Variants in GREM2 observed in about 807,000 individuals in gnomAD.
GREM2 encodes gremlin 2, DAN family BMP antagonist.
A neutral mutation model predicts 14.2 loss-of-function variants in GREM2; 11 were observed. The observed-to-expected ratio is 0.78, with a 90% confidence interval of 0.49 to 1.28. The LOEUF (loss-of-function observed/expected upper bound fraction) is 1.28. GREM2 is among the 50% of genes most tolerant of loss of function. The pLI, the probability that GREM2 is intolerant of heterozygous loss-of-function variation, is 0.00. For synonymous variants in GREM2, 98 were observed against 97.6 expected (o/e 1.00, Z -0.02); for missense variants, 210 against 218.5 (o/e 0.96, Z 0.24).
intron 1 of GREM2, chr1:240,530,444 A>G (rs1467358012): frequency 6.6e-6 from 1 of 152,336 alleles, no homozygotes; most frequent in South Asian, 2.1e-4. Context: ...GCTATTCTCC[A>G]GATACTTTCT....
intron 1 of GREM2, among the ~76,000 whole-genome samples, chr1:240,498,123 T>C (rs968814767): frequency 6.6e-6 from 1 of 152,122 alleles, no homozygotes; most frequent in African/African-American, 2.4e-5. Flanking sequence ...CTAAATCAGA[T>C]CAATTTGAGG....
intron 1 of GREM2, among the ~76,000 whole-genome samples, chr1:240,506,168 G>C (rs1677673325): frequency 6.6e-6 from 1 of 152,000 alleles, no homozygotes; most frequent in South Asian, 2.1e-4. Flanking sequence ...TAATGATTCT[G>C]GGCAAGAAGA....
chr1:240,496,695 T>C (rs2103271620), intron 1 of GREM2, among the ~76,000 whole-genome samples: 2 of 152,324 alleles, frequency 1.3e-5, no homozygotes, highest in South Asian at 4.1e-4. Flanking sequence ...GAACAGTGCC[T>C]GGTGTACAGT....
At chr1:240,563,208 AGT>A (rs200139034) in intron 1 of GREM2, among the ~76,000 whole-genome samples, 4,926 of 151,200 alleles carry the variant, frequency 0.033, 252 homozygotes, top group African/African-American at 0.11. Context: ...TGTGTAAGTG[AGT>A]GTGTGTTTGA....
At chr1:240,593,654 G>A (rs907885070) in intron 1 of GREM2, among the ~76,000 whole-genome samples, 2 of 152,190 alleles carry the variant, frequency 1.3e-5, no homozygotes, top group African/African-American at 4.8e-5. Context: ...GTGTGTTGCA[G>A]TAGACTCTGA....
chr1:240,515,587 T>C (rs544416879), intron 1 of GREM2, among the ~76,000 whole-genome samples: 1 of 152,306 alleles, frequency 6.6e-6, no homozygotes, highest in South Asian at 2.1e-4. Flanking sequence ...TTACATGAGG[T>C]TGGAATTTAT....
At chr1:240,609,575 C>G (rs570175733) in intron 1 of GREM2, among the ~76,000 whole-genome samples, 2 of 152,042 alleles carry the variant, frequency 1.3e-5, no homozygotes, top group Non-Finnish European at 2.9e-5. Flanking sequence ...GTGCTGGGCA[C>G]GTTTTCCCTG....
chr1:240,600,440 G>T (rs1206411125), intron 1 of GREM2, among the ~76,000 whole-genome samples: 2 of 151,998 alleles, frequency 1.3e-5, no homozygotes, highest in African/African-American at 4.8e-5. Context: ...GTCTTTACCA[G>T]TTCTATCCGG....
At chr1:240,512,903 G>A (rs1268599650) in intron 1 of GREM2, among the ~76,000 whole-genome samples, 1 of 152,196 alleles carries the variant, frequency 6.6e-6, no homozygotes, top group East Asian at 1.9e-4. Flanking sequence ...TCAAGGAGAT[G>A]TAAATTAATC....
intron 1 of GREM2, among the ~76,000 whole-genome samples, chr1:240,546,514 A>G (rs1190665644): frequency 6.6e-6 from 1 of 152,146 alleles, no homozygotes; most frequent in Non-Finnish European, 1.5e-5. Context: ...GCAAGACTTT[A>G]TCATATTATC....
Position 240,543,389 on chromosome 1 carries a change from A to G in GREM2, c.-1-49913T>C, listed in dbSNP as rs1406867975. ...TCAAGGCAGAAGACAAATGAGGAGC[A>G]AAATCACGTCTTACATGGTGGTAAG... On this transcript the variant is annotated intron_variant, in intron 1 of 1. Transcript: ENST00000318160. The surrounding 1 kb of genome is among the most constrained non-coding windows in gnomAD (Gnocchi z 6.4). 1.3e-5 allele frequency among the ~76,000 whole-genome samples: 2 copies of G among 152,256 alleles called. No homozygotes were observed. Among genetic ancestry groups the G allele is most frequent in the East Asian group, 3.8e-4 (2 of 5,200 alleles).
rs754076807 is a variant in GREM2 at position 240,523,205 on chromosome 1, G to A, written c.-1-29729C>T. ...CCTCCCATATTCAAGCAATTCTCCC[G>A]CCTCAGCCTCCCGAGTAGCTGGGAT... On this transcript the variant is annotated intron_variant, in intron 1 of 1. Coordinates refer to ENST00000318160, the MANE Select transcript of GREM2 (RefSeq NM_022469.4). Among the ~76,000 whole-genome samples, 5 of 152,080 alleles carry A rather than the reference G, an allele frequency of 3.3e-5. No individual in the cohort carries two copies. The South Asian group carries it at 6.2e-4, about 19-fold the overall frequency.
intron 1 of GREM2, among the ~76,000 whole-genome samples, chr1:240,605,113 T>C (rs1680000748): frequency 6.6e-6 from 1 of 152,280 alleles, no homozygotes; most frequent in East Asian, 1.9e-4. Context: ...TTCCAGCCAA[T>C]GGAAACCAGA....
At chr1:240,518,386 G>A (rs1321759557) in intron 1 of GREM2, among the ~76,000 whole-genome samples, 1 of 152,172 alleles carries the variant, frequency 6.6e-6, no homozygotes, top group Admixed American at 6.5e-5. Flanking sequence ...TTTATCATCA[G>A]TTGGAGAGAT....
At chr1:240,610,025 A>C (rs1247710728) in intron 1 of GREM2, among the ~76,000 whole-genome samples, 2 of 152,158 alleles carry the variant, frequency 1.3e-5, no homozygotes, top group African/African-American at 4.8e-5. Flanking sequence ...TTTATCTTTG[A>C]AAAGCCATCA....
intron 1 of GREM2, among the ~76,000 whole-genome samples, chr1:240,537,975 T>A (rs1048902369): frequency 1.3e-5 from 2 of 152,236 alleles, no homozygotes; most frequent in African/African-American, 4.8e-5. Flanking sequence ...ATTGGCAGAA[T>A]GCCATGCCCA....
chr1:240,600,218 A>G (rs1199015093), intron 1 of GREM2, among the ~76,000 whole-genome samples: 1 of 87,232 alleles, frequency 1.1e-5, no homozygotes, highest in Non-Finnish European at 2.3e-5. Context: ...CCTTATGTGT[A>G]AAACGAGATT....
chr1:240,605,915 T>G (rs1680016438), intron 1 of GREM2, among the ~76,000 whole-genome samples: 1 of 152,154 alleles, frequency 6.6e-6, no homozygotes, highest in Non-Finnish European at 1.5e-5. Context: ...TTTTAAAAAA[T>G]TAATTGATTT....
intron 1 of GREM2, among the ~76,000 whole-genome samples, chr1:240,587,885 G>A (rs1438920150): frequency 6.6e-6 from 1 of 152,100 alleles, no homozygotes; most frequent in South Asian, 2.1e-4. Context: ...GCCTGTTAGG[G>A]CAGATGTTTT....
Sources: allele counts gnomAD v4.1 joint callset (sites outside exome capture counted in the v4.1 genomes callset), GRCh38; gene constraint gnomAD v4.1.1; non-coding constraint Gnocchi (gnomAD v3.1); transcripts MANE v1.5; gene names NCBI Gene and HGNC (gene_info 2026-07-23, HGNC 2026-07-21).